Variants in TMEM59 observed in about 807,000 individuals in gnomAD.
TMEM59 encodes the protein dendritic cell factor 1.
In TMEM59, 44 loss-of-function variants were observed where a neutral mutation model predicts 42.2. The observed-to-expected ratio is 1.04, with a 90% confidence interval of 0.82 to 1.34. The LOEUF is 1.34. Among genes scored for constraint, TMEM59 ranks in the 40% most tolerant of loss-of-function variants. The pLI is 0.00. For synonymous variants in TMEM59, 148 were observed against 145.8 expected (o/e 1.02, Z -0.11); for missense variants, 359 against 382.8 (o/e 0.94, Z 0.52).
chr1:54,045,363 G>T (rs952192615), intron 3 of TMEM59: 3 of 262,760 alleles, frequency 1.1e-5, no homozygotes, highest in African/African-American at 6.7e-5. Context: ...AATGGCAACT[G>T]TCCAATGGGA....
At chr1:54,036,515 T>G (rs1408500433) in intron 7 of TMEM59, 95 bp downstream of exon 7, 2 of 849,054 alleles carry the variant, frequency 2.4e-6, no homozygotes, top group African/African-American at 3.6e-5. Flanking sequence ...CTCTTTCTAT[T>G]AGTAGAAAGG....
At chr1:54,036,794 T>C (rs946208371) in intron 6 of TMEM59, 76 bp from the exon 7 acceptor site, 3 of 967,488 alleles carry the variant, frequency 3.1e-6, no homozygotes, top group Non-Finnish European at 4.6e-6. Flanking sequence ...GTCAACCTTA[T>C]GTACTTAGCT....
rs764707352 is a variant in TMEM59 at position 54,053,150 on chromosome 1, T to C, written c.39A>G (p.Gln13=). ...GCAGCAGCAGCGGCGGGAGCCCCAG[T>C]TGGGTCCTCACCCAGAGGCTCCCCT... The part of the protein sequence containing the change: ...APKGSLWVRT[Q]LGLPPLLLLT... Residue 13 remains glutamine, a synonymous_variant, in exon 1 of 8, where the codon CAA becomes CAG. Transcript: ENST00000234831. The C allele has an allele frequency of 1.4e-5, 22 of 1,614,082 alleles. No individual in the cohort carries two copies. The Admixed American group carries it at 3.5e-4, about 26-fold the overall frequency.
At chr1:54,032,370 T>C (rs1656793764) in intron 7 of TMEM59, 65 bp from the exon 8 acceptor site, 2 of 1,332,690 alleles carry the variant, frequency 1.5e-6, no homozygotes, top group Admixed American at 5.3e-5. Context: ...AGTTAGTCTT[T>C]AAATAACAAT....
chr1:54,040,799 GAAA>G lies in TMEM59; in HGVS notation c.661_663del (p.Phe221del). 1 of 1,613,782 alleles carries G rather than the reference GAAA, an allele frequency of 6.2e-7. No individual in the cohort carries two copies. Among genetic ancestry groups the G allele is most frequent in the South Asian group, 1.1e-5 (1 of 91,070 alleles). Reference sequence around the variant, plus strand: ...AAGCCATCACTTTCTCCATCTTCAAGAAAATTCCTGTGCGCTTGTGAATTTCTC... The same window carrying G: ...AAGCCATCACTTTCTCCATCTTCAAGATTCCTGTGCGCTTGTGAATTTCTC... On this transcript the variant is annotated inframe_deletion, in exon 6 of 8. Transcript: ENST00000234831.
At chr1:54,053,396 A>G, upstream of TMEM59, 1 of 611,618 alleles carries the variant, frequency 1.6e-6, no homozygotes, top group Non-Finnish European at 2.8e-6. Flanking sequence ...TGGCGTGAGG[A>G]GGGGAATTCA....
chr1:54,033,731 A>G (rs913995062), intron 7 of TMEM59: 1 of 152,176 alleles, frequency 6.6e-6, no homozygotes, highest in Non-Finnish European at 1.5e-5. Context: ...ACTAGATTAT[A>G]AAGCAAGAAC....
At chr1:54,040,937 T>C in intron 5 of TMEM59, 100 bp from the exon 6 acceptor site, 1 of 912,596 alleles carries the variant, frequency 1.1e-6, no homozygotes, top group Non-Finnish European at 1.7e-6. Flanking sequence ...TATCCAATTG[T>C]TTTTGTTTGT....
intron 1 of TMEM59, 28 bp from the exon 2 acceptor site, chr1:54,047,400 A>G (rs1232181902): frequency 6.3e-7 from 1 of 1,575,844 alleles, no homozygotes. Flanking sequence ...AGGAAGGGTT[A>G]CCAAAAAATA....
chr1:54,030,287 A>G lies in TMEM59; in HGVS notation c.*1863T>C, dbSNP rs866218593. Reference sequence around the variant, plus strand: ...GTGGGCTCTTTGATTCCTGTGAGACAGCAGCATTTTGTGTTTCTCTGTTTG... The same window carrying G: ...GTGGGCTCTTTGATTCCTGTGAGACGGCAGCATTTTGTGTTTCTCTGTTTG... On this transcript the variant is annotated 3_prime_UTR_variant, in exon 8 of 8. Coordinates refer to ENST00000234831, the MANE Select transcript of TMEM59 (RefSeq NM_004872.5). 2.0e-5 allele frequency: 3 copies of G among 152,282 alleles called. No homozygotes were observed. Among genetic ancestry groups the G allele is most frequent in the African/African-American group, 7.2e-5 (3 of 41,552 alleles). 9.4% of individuals were successfully genotyped at this position (152,282 alleles called of 1,614,324 possible). A position where few individuals can be genotyped will look rare whatever the true frequency, so the allele number is the denominator to read the frequency against.
At position 54,031,414 on chromosome 1, in the gene TMEM59, AAT is replaced by A. The variant is rs1656763163; in HGVS notation, c.*734_*735del. ...GTGTTAAAATGAAGTTTTCTCTGAAAATATGTTTACCTTATACTTGATATGCT... is the reference window on the plus strand; with the variant it reads ...GTGTTAAAATGAAGTTTTCTCTGAAAATGTTTACCTTATACTTGATATGCT... On this transcript the variant is annotated 3_prime_UTR_variant, in exon 8 of 8. Coordinates refer to ENST00000234831, the MANE Select transcript of TMEM59 (RefSeq NM_004872.5). The A allele has an allele frequency of 6.6e-6, 1 of 152,222 alleles. No homozygotes were observed. The highest frequency in any genetic ancestry group is 2.4e-5 in the African/African-American group (1 of 41,464). 9.4% of individuals were successfully genotyped at this position (152,222 alleles called of 1,614,324 possible). A position where few individuals can be genotyped will look rare whatever the true frequency, so the allele number is the denominator to read the frequency against.
chr1:54,046,889 C>T (rs1410201694), intron 2 of TMEM59, among the ~76,000 whole-genome samples: 4 of 152,084 alleles, frequency 2.6e-5, no homozygotes, highest in African/African-American at 9.7e-5. Context: ...GAGTCAAAGG[C>T]CTGATTCAGT....
At position 54,032,320 on chromosome 1, in the gene TMEM59, C is replaced by G; in HGVS notation, c.817-15G>C. 1 of 1,592,414 alleles carries G rather than the reference C, an allele frequency of 6.3e-7. No individual in the cohort carries two copies. The highest frequency in any genetic ancestry group is 8.6e-7 in the Non-Finnish European group (1 of 1,169,148). On this transcript the variant is annotated splice_polypyrimidine_tract_variant and intron_variant, in intron 7 of 7. Coordinates refer to ENST00000234831, the MANE Select transcript of TMEM59 (RefSeq NM_004872.5). The stretch of plus-strand genomic sequence containing the variant: ...ATACTCAGCTTCTGCAAAAGAAAAC[C>G]AATGTACATTAGTAGTCTGGATAAT...
Position 54,028,742 on chromosome 1 carries a change from G to C in TMEM59, c.*3408C>G, listed in dbSNP as rs1395228924. Reference sequence around the variant, plus strand: ...CCATAATGCATACAGCTCCTCCTATGTGCTCTGTGCTTGGTCATAGCACTT... The same window carrying C: ...CCATAATGCATACAGCTCCTCCTATCTGCTCTGTGCTTGGTCATAGCACTT... On this transcript the variant is annotated 3_prime_UTR_variant, in exon 8 of 8. Transcript: ENST00000234831. 1 of 152,144 alleles carries C rather than the reference G, an allele frequency of 6.6e-6. No homozygotes were observed. The highest frequency in any genetic ancestry group is 2.4e-5 in the African/African-American group (1 of 41,404). The allele number at this position is 152,144 out of a possible 1,614,324, so 9.4% of individuals were successfully genotyped here. A position where few individuals can be genotyped will look rare whatever the true frequency, so the allele number is the denominator to read the frequency against.
chr1:54,048,783 C>A, intron 1 of TMEM59: 1 of 304,792 alleles, frequency 3.3e-6, no homozygotes, highest in South Asian at 2.9e-5. Flanking sequence ...TACGCAGCAG[C>A]AACAATCCAT....
At chr1:54,044,433 TA>T (rs1225865130) in intron 3 of TMEM59, 2 of 148,976 alleles carry the variant, frequency 1.3e-5, no homozygotes, top group Admixed American at 1.3e-4. Flanking sequence ...TGGGCCTCTC[TA>T]AAGCACAAGT....
chr1:54,028,614 C>A lies in TMEM59; in HGVS notation c.*3536G>T, dbSNP rs931148407. On this transcript the variant is annotated 3_prime_UTR_variant, in exon 8 of 8. Transcript: ENST00000234831. ...CCTCTAGGTCTTTGAGCACAGTGTC[C>A]CCACTGTCTGGTACACTGCTCTCTA... 6.6e-6 allele frequency: 1 copy of A among 152,192 alleles called. No individual in the cohort carries two copies. Among genetic ancestry groups the A allele is most frequent in the African/African-American group, 2.4e-5 (1 of 41,430 alleles). 9.4% of individuals were successfully genotyped at this position (152,192 alleles called of 1,614,324 possible).
At chr1:54,053,441 T>G (rs1432488772), upstream of TMEM59, 2 of 518,038 alleles carry the variant, frequency 3.9e-6, no homozygotes, top group East Asian at 3.3e-5. Flanking sequence ...CGGGGCCTCC[T>G]GACTTCTTCC....
In TMEM59 at chr1:54,029,379, C is replaced by T. The variant is rs1248174997; in HGVS notation, c.*2771G>A. ...ATTAGCATGTCTCTTAGATGAGGGACCTGAGCCAAGAAAGACCTTAGAAGT... is the reference window on the plus strand; with the variant it reads ...ATTAGCATGTCTCTTAGATGAGGGATCTGAGCCAAGAAAGACCTTAGAAGT... On this transcript the variant is annotated 3_prime_UTR_variant, in exon 8 of 8. Coordinates refer to ENST00000234831, the MANE Select transcript of TMEM59 (RefSeq NM_004872.5). 1 of 152,136 alleles carries T rather than the reference C, an allele frequency of 6.6e-6. No homozygotes were observed. Among genetic ancestry groups the T allele is most frequent in the East Asian group, 1.9e-4 (1 of 5,184 alleles). 9.4% of individuals were successfully genotyped at this position (152,136 alleles called of 1,614,324 possible). A position where few individuals can be genotyped will look rare whatever the true frequency, so the allele number is the denominator to read the frequency against.
Sources: allele counts gnomAD v4.1 joint callset (sites outside exome capture counted in the v4.1 genomes callset), GRCh38; gene constraint gnomAD v4.1.1; transcripts MANE v1.5; gene names NCBI Gene and HGNC (gene_info 2026-07-23, HGNC 2026-07-21).